The following RNF19B variants were observed in gnomAD, a reference collection of about 807,000 sequenced individuals.
The protein encoded by RNF19B is ring finger protein 19B.
RNF19B carries 23 observed loss-of-function variants against 65.5 expected under a neutral mutation model. The ratio of observed to expected loss-of-function variants is 0.35; its 90% CI spans 0.25 to 0.50. RNF19B has a LOEUF of 0.50. Among genes scored for constraint, RNF19B ranks in the 20% least tolerant of loss-of-function variants. RNF19B has a pLI of 0.98. For synonymous variants in RNF19B, 372 were observed against 379.6 expected (o/e 0.98, Z 0.23); for missense variants, 794 against 980.0 (o/e 0.81, Z 2.53).
At position 32,937,253 on chromosome 1, in the gene RNF19B, G is replaced by C; in HGVS notation, c.1749C>G (p.Cys583Trp). The C allele has an allele frequency of 6.2e-7, 1 of 1,613,686 alleles. No individual in the cohort carries two copies. The highest frequency in any genetic ancestry group is 2.2e-5 in the East Asian group (1 of 44,888). ...ISSYNPQDRE[C>W]NNMEIQVDIE... is the part of the protein sequence containing the mutation. ...TGTCCACTTGGATTTCCATATTGTT[G>C]CATTCTCTGTGGAGACAAAATCCAC... Residue 583 changes from cysteine (C) to tryptophan (W), a missense_variant, in exon 9 of 9, where the codon TGC becomes TGG. By Grantham distance (215) the Cys-to-Trp change is radical. Around this residue, in one of 3 missense-constraint regions of RNF19B, gnomAD observed 368 missense variants for 447.3 expected, o/e 0.82. Coordinates refer to ENST00000235150, the MANE Select transcript of RNF19B (RefSeq NM_001300826.2).
intron 7 of RNF19B, among the ~76,000 whole-genome samples, chr1:32,939,771 C>T (rs1642189222): frequency 6.6e-6 from 1 of 152,182 alleles, no homozygotes; most frequent in South Asian, 2.1e-4. Context: ...CACAGTCAAA[C>T]CCATCTGACT....
rs539427066 is a variant in RNF19B at position 32,959,546 on chromosome 1, G to C, written c.635+4505C>G. Among the ~76,000 whole-genome samples the C allele has an allele frequency of 3.3e-5, 5 of 152,182 alleles. No individual in the cohort carries two copies. In the South Asian group the frequency reaches 1.0e-3, roughly 32 times the overall value. The stretch of plus-strand genomic sequence containing the variant: ...CTAGGCCCCATGTTTAAACTTCTCT[G>C]AACTGGTTTCTCCTTTATAAAATGC... On this transcript the variant is annotated intron_variant, in intron 1 of 8. Transcript: ENST00000235150.
chr1:32,957,394 T>C (rs1642664494), intron 1 of RNF19B, among the ~76,000 whole-genome samples: 1 of 152,246 alleles, frequency 6.6e-6, no homozygotes, highest in Non-Finnish European at 1.5e-5. Flanking sequence ...GTATTTATCA[T>C]ATGACATTTG....
At position 32,946,271 on chromosome 1, in the gene RNF19B, A is replaced by G. The variant is rs77694743; in HGVS notation, c.1146+131T>C. ...TTTATGAAAATCCATTTAAGAAAGT[A>G]AGGTTATTTTTATCTAAGAACCAGC... On this transcript the variant is annotated intron_variant, in intron 4 of 8. Coordinates refer to ENST00000235150, the MANE Select transcript of RNF19B (RefSeq NM_001300826.2). 7.5e-4 allele frequency: 518 copies of G among 689,682 alleles called. 2 individuals are homozygous for G. In the East Asian group the frequency reaches 0.013, roughly 17 times the overall value. The allele number at this position is 689,682 out of a possible 1,614,324, so 42.7% of individuals were successfully genotyped here.
chr1:32,964,734 C>CCGCCTCAGCG lies in RNF19B; in HGVS notation c.-59_-50dup, dbSNP rs1642868365. 7.4e-7 allele frequency: 1 copy of CCGCCTCAGCG among 1,350,002 alleles called. No individual in the cohort carries two copies. Among genetic ancestry groups the CCGCCTCAGCG allele is most frequent in the South Asian group, 1.6e-5 (1 of 60,682 alleles). 83.6% of individuals were successfully genotyped at this position (1,350,002 alleles called of 1,614,324 possible). On this transcript the variant is annotated 5_prime_UTR_variant, in exon 1 of 9. Transcript: ENST00000235150. The surrounding 1 kb of genome is among the most constrained non-coding windows in gnomAD (Gnocchi z 6.5). ...GGGGCGCCCAGCGCCGCCACAGCTCCCGCCTCAGCGCCCCTCAGCCAGCGC... is the reference window on the plus strand; with the variant it reads ...GGGGCGCCCAGCGCCGCCACAGCTCCCGCCTCAGCGCGCCTCAGCGCCCCTCAGCCAGCGC...
At chr1:32,937,402 T>C in intron 8 of RNF19B, 143 bp from the exon 9 acceptor site, 1 of 1,273,578 alleles carries the variant, frequency 7.9e-7, no homozygotes, top group South Asian at 1.3e-5. Context: ...AAAAATAACA[T>C]TTTAATCTAA....
intron 1 of RNF19B, among the ~76,000 whole-genome samples, chr1:32,950,136 A>AT (rs1048300673): frequency 6.6e-5 from 10 of 151,520 alleles, no homozygotes; most frequent in Middle Eastern, 3.4e-3. Flanking sequence ...CGCCTGGCTA[A>AT]TTTTTTTTGT....
chr1:32,963,141 T>C (rs915917745), intron 1 of RNF19B, among the ~76,000 whole-genome samples: 4 of 152,034 alleles, frequency 2.6e-5, no homozygotes, highest in Admixed American at 1.3e-4. Flanking sequence ...AAAGAACATA[T>C]CTGTCTACCC....
At chr1:32,935,321 A>T (rs1642078742), downstream of RNF19B, among the ~76,000 whole-genome samples, 1 of 151,218 alleles carries the variant, frequency 6.6e-6, no homozygotes, top group Non-Finnish European at 1.5e-5. Flanking sequence ...TATTTTTAGT[A>T]GAAACGGGGG....
At position 32,941,443 on chromosome 1, in the gene RNF19B, G is replaced by C. The variant is rs1230482619; in HGVS notation, c.1610+809C>G. Among the ~76,000 whole-genome samples, 3 of 152,158 alleles carry C rather than the reference G, an allele frequency of 2.0e-5. No homozygotes were observed. In the East Asian group the frequency reaches 5.8e-4, roughly 29 times the overall value. ...TAGTCCCAGCCTCTTGGGAGGCTGA[G>C]GCAGGACAATCACTAGAACCCAGGA... On this transcript the variant is annotated intron_variant, in intron 7 of 8. Transcript: ENST00000235150.
chr1:32,943,611 CAA>C (rs113168699), intron 6 of RNF19B, among the ~76,000 whole-genome samples: 3 of 128,432 alleles, frequency 2.3e-5, no homozygotes, highest in African/African-American at 2.9e-5. Flanking sequence ...GACTCCGTCT[CAA>C]AAAAAAAAAA....
chr1:32,929,521 G>A, the RNF19B span, among the ~76,000 whole-genome samples: 4 of 152,208 alleles, frequency 2.6e-5, no homozygotes, highest in African/African-American at 9.7e-5. Context: ...CTTAGGGCCA[G>A]TTTCCAAGTA....
Position 32,964,257 on chromosome 1 carries a change from C to A in RNF19B, c.429G>T (p.Arg143=). 1 of 1,542,216 alleles carries A rather than the reference C, an allele frequency of 6.5e-7. No individual in the cohort carries two copies. Among genetic ancestry groups the A allele is most frequent in the East Asian group, 2.5e-5 (1 of 39,764 alleles). The change falls in exon 1 of 9, where the codon CGG becomes CGT. Residue 143 remains arginine (R), a synonymous_variant. Transcript: ENST00000235150. This position sits in a 1 kb window ranked among gnomAD's most constrained non-coding sequence, Gnocchi z 6.5. ...GGCGCAGGTAGTGGCGGAGGCAGTC[C>A]CGGCACGAGCGGTGCGGACAGCTGA... ...RLLSCPHRSC[R]DCLRHYLRLE... is the part of the protein sequence containing the mutation.
At chr1:32,952,357 G>A (rs1201723478) in intron 1 of RNF19B, among the ~76,000 whole-genome samples, 1 of 150,088 alleles carries the variant, frequency 6.7e-6, no homozygotes, top group Non-Finnish European at 1.5e-5. Flanking sequence ...ACTTTGGGAG[G>A]CTGAGGCAGG....
intron 7 of RNF19B, among the ~76,000 whole-genome samples, chr1:32,941,233 C>A (rs1027873811): frequency 2.0e-5 from 3 of 151,666 alleles, no homozygotes; most frequent in Non-Finnish European, 4.4e-5. Context: ...AAAAAAAATC[C>A]CCAAAGCCCA....
chr1:32,939,768 A>G, intron 7 of RNF19B, among the ~76,000 whole-genome samples: 1 of 152,210 alleles, frequency 6.6e-6, no homozygotes, highest in Admixed American at 6.5e-5. Flanking sequence ...TTTCACAGTC[A>G]AACCCATCTG....
Position 32,964,391 on chromosome 1 carries a change from G to GCTC in RNF19B, c.292_294dup (p.Glu98dup), listed in dbSNP as rs1642850719. ...GCCGCCTCCTCATCGTCGAACCCAG[G>GCTC]CTCCGCCGCCGCCGCCGCGGCCTCC... On this transcript the variant is annotated inframe_insertion, in exon 1 of 9. Transcript: ENST00000235150. The surrounding 1 kb of genome is among the most constrained non-coding windows in gnomAD (Gnocchi z 6.5). 1 of 1,315,964 alleles carries GCTC rather than the reference G, an allele frequency of 7.6e-7. No homozygotes were observed. The highest frequency in any genetic ancestry group is 1.5e-5 in the African/African-American group (1 of 65,140). The allele number at this position is 1,315,964 out of a possible 1,614,324, so 81.5% of individuals were successfully genotyped here. A position where few individuals can be genotyped will look rare whatever the true frequency, so the allele number is the denominator to read the frequency against.
chr1:32,943,130 G>C (rs1046739660), intron 6 of RNF19B, among the ~76,000 whole-genome samples: 1 of 144,394 alleles, frequency 6.9e-6, no homozygotes, highest in Non-Finnish European at 1.5e-5. Context: ...AACAGAGCAA[G>C]ACTCCGTCTC....
chr1:32,962,695 T>C (rs1016779419), intron 1 of RNF19B, among the ~76,000 whole-genome samples: 4 of 152,180 alleles, frequency 2.6e-5, no homozygotes, highest in African/African-American at 9.7e-5. Context: ...ATCACACAAC[T>C]TTTTACTAGC....
Sources: allele counts gnomAD v4.1 joint callset (sites outside exome capture counted in the v4.1 genomes callset), GRCh38; gene constraint gnomAD v4.1.1; regional missense constraint gnomAD v4.1.1; non-coding constraint Gnocchi (gnomAD v3.1); transcripts MANE v1.5; gene names NCBI Gene and HGNC (gene_info 2026-07-23, HGNC 2026-07-21).